The following TBC1D30 variants were observed in gnomAD, a reference collection of about 807,000 sequenced individuals.
TBC1D30 encodes the protein TBC1 domain family, member 30.
Under a neutral mutation model 63.2 loss-of-function variants are expected in TBC1D30, and 31 were observed. The observed-to-expected ratio is 0.49, with a 90% CI of 0.37 to 0.66. TBC1D30 has a LOEUF of 0.66. TBC1D30 is among the 30% of genes least tolerant of loss of function. The pLI, the probability that TBC1D30 is intolerant of heterozygous loss-of-function variation, is 0.00. For synonymous variants in TBC1D30, 307 were observed against 361.5 expected (o/e 0.85, Z 1.71); for missense variants, 810 against 953.6 (o/e 0.85, Z 1.98).
At chr12:64,784,118 A>AG (rs574778297) in intron 1 of TBC1D30, among the ~76,000 whole-genome samples, 82 of 152,036 alleles carry the variant, frequency 5.4e-4, no homozygotes, top group African/African-American at 1.9e-3. Context: ...GTTTAAAATT[A>AG]GGGGGACAGG....
At chr12:64,803,547 G>T (rs541714045) in intron 2 of TBC1D30, among the ~76,000 whole-genome samples, 3 of 152,152 alleles carry the variant, frequency 2.0e-5, no homozygotes, top group South Asian at 2.1e-4. Flanking sequence ...CATTGCTTTT[G>T]GTGTTTTAGA....
upstream of TBC1D30, chr12:64,779,341 A>G (rs1745811907): frequency 6.6e-6 from 1 of 152,238 alleles, no homozygotes; most frequent in South Asian, 2.1e-4. Flanking sequence ...CAATATAATA[A>G]TGAATTCTAC....
At chr12:64,829,581 T>C (rs946822259) in intron 3 of TBC1D30, among the ~76,000 whole-genome samples, 6 of 152,156 alleles carry the variant, frequency 3.9e-5, no homozygotes, top group Admixed American at 6.6e-5. Context: ...CTATTAGATA[T>C]CTAATTTGAA....
At chr12:64,844,801 C>G (rs1334994549) in intron 8 of TBC1D30, among the ~76,000 whole-genome samples, 1 of 152,102 alleles carries the variant, frequency 6.6e-6, no homozygotes, top group Non-Finnish European at 1.5e-5. Context: ...GCTTATTTCA[C>G]TTAATATAAT....
chr12:64,878,066 G>T lies in TBC1D30; in HGVS notation c.*2278G>T, dbSNP rs1418496845. 1 of 187,254 alleles carries T rather than the reference G, an allele frequency of 5.3e-6. No individual in the cohort carries two copies. The highest frequency in any genetic ancestry group is 1.1e-5 in the Non-Finnish European group (1 of 88,260). The allele number at this position is 187,254 out of a possible 1,614,324, so 11.6% of individuals were successfully genotyped here. A position where few individuals can be genotyped will look rare whatever the true frequency, so the allele number is the denominator to read the frequency against. ...TGGTCTTCCTGAGAAGGGGATGGAT[G>T]AGGTAACACACAGTTTGGGATACGT... On this transcript the variant is annotated 3_prime_UTR_variant, in exon 12 of 12. Transcript: ENST00000539867.
chr12:64,772,585 G>A (rs548951572), intron 1 of TBC1D30, among the ~76,000 whole-genome samples: 122 of 152,146 alleles, frequency 8.0e-4, no homozygotes, highest in African/African-American at 2.4e-3. Context: ...GCCTGCCTCC[G>A]TGCCTAGCTC....
intron 2 of TBC1D30, among the ~76,000 whole-genome samples, chr12:64,812,147 T>C (rs1156549): frequency 0.71 from 107,604 of 152,140 alleles, 39,080 homozygotes; most frequent in East Asian, 0.9. Flanking sequence ...TCTAACTACC[T>C]AGAATTATCT....
chr12:64,845,954 G>A (rs971306137), intron 8 of TBC1D30, among the ~76,000 whole-genome samples: 4 of 152,140 alleles, frequency 2.6e-5, no homozygotes, highest in East Asian at 1.9e-4. Flanking sequence ...GTGAGCCACC[G>A]TGCCTGGCCT....
intron 2 of TBC1D30, among the ~76,000 whole-genome samples, chr12:64,787,861 C>T (rs1486684126): frequency 6.6e-6 from 1 of 152,094 alleles, no homozygotes; most frequent in Non-Finnish European, 1.5e-5. Context: ...CACGGTGAAA[C>T]CCCATCTCTA....
intron 10 of TBC1D30, chr12:64,868,222 T>C (rs1164040053): frequency 6.4e-6 from 1 of 155,652 alleles, no homozygotes; most frequent in Admixed American, 6.5e-5. Flanking sequence ...TCGATTTTGC[T>C]ATAATGACAC....
chr12:64,852,712 T>G (rs1876980458), intron 8 of TBC1D30, among the ~76,000 whole-genome samples: 1 of 152,228 alleles, frequency 6.6e-6, no homozygotes, highest in African/African-American at 2.4e-5. Flanking sequence ...TATTCCTTTC[T>G]GTTTGTTAGT....
At chr12:64,849,202 A>G (rs1876655187) in intron 8 of TBC1D30, among the ~76,000 whole-genome samples, 1 of 152,166 alleles carries the variant, frequency 6.6e-6, no homozygotes, top group Non-Finnish European at 1.5e-5. Context: ...TAGATTACAA[A>G]AGTTTTCTCC....
At chr12:64,853,510 G>A (rs972082500) in intron 8 of TBC1D30, among the ~76,000 whole-genome samples, 7 of 152,152 alleles carry the variant, frequency 4.6e-5, no homozygotes, top group African/African-American at 1.7e-4. Context: ...GTTCTGTCTT[G>A]CTGATGTTCT....
intron 1 of TBC1D30, among the ~76,000 whole-genome samples, chr12:64,785,723 C>T (rs1305273203): frequency 2.0e-5 from 3 of 152,122 alleles, no homozygotes; most frequent in Non-Finnish European, 4.4e-5. Context: ...CTTATTTGAT[C>T]GGAATGTCCG....
At chr12:64,828,874 C>T (rs76411845) in intron 3 of TBC1D30, among the ~76,000 whole-genome samples, 8,767 of 152,176 alleles carry the variant, frequency 0.058, 397 homozygotes, top group East Asian at 0.16. Flanking sequence ...AGGTGACATT[C>T]GAGTAGGCCC....
At chr12:64,839,646 T>C (rs1875669983) in intron 7 of TBC1D30, among the ~76,000 whole-genome samples, 1 of 152,182 alleles carries the variant, frequency 6.6e-6, no homozygotes. Flanking sequence ...TTAACTAGCC[T>C]TTGTATTTAT....
intron 8 of TBC1D30, among the ~76,000 whole-genome samples, chr12:64,850,182 T>A (rs1876746567): frequency 6.6e-6 from 1 of 152,176 alleles, no homozygotes. Flanking sequence ...GCTGAGATGA[T>A]GGGGTTTTCT....
In TBC1D30 at chr12:64,832,312, G is replaced by A; in HGVS notation, c.594+8G>A. 1 of 1,534,586 alleles carries A rather than the reference G, an allele frequency of 6.5e-7. No individual in the cohort carries two copies. Among genetic ancestry groups the A allele is most frequent in the Non-Finnish European group, 8.7e-7 (1 of 1,145,698 alleles). On this transcript the variant is annotated splice_region_variant and intron_variant, in intron 5 of 11. Coordinates refer to ENST00000539867, the MANE Select transcript of TBC1D30 (RefSeq NM_015279.2). ...GAAGGGGATGCCCTGAAAGTGAGTA[G>A]CAGGCTCTGACAAAGGCCATGGACA...
At chr12:64,805,706 A>G (rs1176413077) in intron 2 of TBC1D30, among the ~76,000 whole-genome samples, 1 of 151,844 alleles carries the variant, frequency 6.6e-6, no homozygotes, top group African/African-American at 2.4e-5. Flanking sequence ...GGTGGCGGGC[A>G]CCTGTAGTCC....
Sources: gnomAD v4.1 joint callset for allele counts (sites outside exome capture counted in the v4.1 genomes callset) on GRCh38, gnomAD v4.1.1 for gene constraint, MANE v1.5 for transcripts, NCBI Gene and HGNC (gene_info 2026-07-23, HGNC 2026-07-21) for gene names.